Variants in TIAM2 observed in about 807,000 individuals in gnomAD.
The protein encoded by TIAM2 is rho guanine nucleotide exchange factor TIAM2.
A neutral mutation model predicts 152.9 loss-of-function variants in TIAM2; 80 were observed. That is an observed-to-expected ratio of 0.52 (90% CI 0.44 to 0.63). TIAM2 has a LOEUF of 0.63. Among genes scored for constraint, TIAM2 ranks in the 30% least tolerant of loss-of-function variants. The pLI is 0.00. For synonymous variants in TIAM2, 804 were observed against 838.0 expected, an observed-to-expected ratio of 0.96 and a Z score of 0.70; for missense variants, 1,965 against 2,120.1, an observed-to-expected ratio of 0.93 and a Z score of 1.44.
intron 2 of TIAM2, among the ~76,000 whole-genome samples, chr6:155,123,669 G>A (rs1297973558): frequency 6.6e-6 from 1 of 152,242 alleles, no homozygotes; most frequent in Non-Finnish European, 1.5e-5. Flanking sequence ...TTGTGTGTCT[G>A]TGAGTGGCTG....
At chr6:155,026,359 C>G (rs897271210) in intron 1 of TIAM2, among the ~76,000 whole-genome samples, 40 of 152,272 alleles carry the variant, frequency 2.6e-4, no homozygotes, top group African/African-American at 8.7e-4. Flanking sequence ...CAGGTTCTTC[C>G]CAAGGTTTCC....
intron 1 of TIAM2, among the ~76,000 whole-genome samples, chr6:155,005,794 C>T (rs1225594366): frequency 6.6e-6 from 1 of 151,646 alleles, no homozygotes; most frequent in Non-Finnish European, 1.5e-5. Flanking sequence ...GGATTGCAGG[C>T]GCCTGCCACC....
chr6:155,211,328 G>T (rs375584701), intron 15 of TIAM2, 21 bp downstream of exon 15: 8 of 1,603,272 alleles, frequency 5.0e-6, no homozygotes, highest in Non-Finnish European at 6.8e-6. Flanking sequence ...GGCCCAAATC[G>T]CAAACCAAGA....
chr6:155,254,748 A>G (rs573476671), intron 26 of TIAM2, 175 bp downstream of exon 26: 2 of 738,560 alleles, frequency 2.7e-6, no homozygotes, highest in East Asian at 5.5e-5. Flanking sequence ...ACTGTAAAAT[A>G]CAGCCACCCC....
chr6:155,048,408 A>G (rs957692461), intron 1 of TIAM2, among the ~76,000 whole-genome samples: 5 of 152,208 alleles, frequency 3.3e-5, no homozygotes, highest in African/African-American at 9.6e-5. Context: ...TCATTTTAAA[A>G]TATGGATTGT....
Position 155,172,686 on chromosome 6 carries a change from A to ATTTT in TIAM2, c.2362-4107_2362-4104dup, listed in dbSNP as rs113165280. Among the ~76,000 whole-genome samples the ATTTT allele has an allele frequency of 1.9e-3, 37 of 19,600 alleles. 3 individuals carry two copies. The highest frequency in any genetic ancestry group is 6.6e-3 in the Admixed American group (6 of 904). 12.9% of individuals were successfully genotyped at this position (19,600 alleles called of 152,430 possible). A position where few individuals can be genotyped will look rare whatever the true frequency, so the allele number is the denominator to read the frequency against. ...TATATATATATATATATATATATAT[A>ATTTT]TTTTTTTTTTTTTTTTTTTTTTTTT... On this transcript the variant is annotated intron_variant, in intron 9 of 26. Coordinates refer to ENST00000682666, the MANE Select transcript of TIAM2 (RefSeq NM_012454.4).
chr6:155,178,592 G>C (rs1214821341), intron 10 of TIAM2, among the ~76,000 whole-genome samples: 1 of 150,578 alleles, frequency 6.6e-6, no homozygotes, highest in Non-Finnish European at 1.5e-5. Flanking sequence ...TTATTTATTT[G>C]AGTTGGAGTC....
intron 15 of TIAM2, among the ~76,000 whole-genome samples, chr6:155,221,051 T>C (rs1782023995): frequency 6.6e-6 from 1 of 151,228 alleles, no homozygotes; most frequent in African/African-American, 2.4e-5. Context: ...CACAGTACTT[T>C]CCTACCTGCC....
chr6:155,249,831 T>C lies in TIAM2; in HGVS notation c.3833-20T>C. The C allele has an allele frequency of 6.4e-7, 1 of 1,558,800 alleles. No homozygotes were observed. The highest frequency in any genetic ancestry group is 8.8e-7 in the Non-Finnish European group (1 of 1,134,854). On this transcript the variant is annotated intron_variant, in intron 20 of 26. Transcript: ENST00000682666. ...AAACAAATAACAGTTATGAAATAAA[T>C]ATGATTTCATATCTTGCAGAAGCAC...
chr6:155,206,431 T>C (rs1781597413), intron 14 of TIAM2, among the ~76,000 whole-genome samples: 1 of 152,128 alleles, frequency 6.6e-6, no homozygotes, highest in Non-Finnish European at 1.5e-5. Context: ...GAGATGGGGT[T>C]TCACCATGTT....
Position 155,043,603 on chromosome 6 carries a change from C to T in TIAM2, c.-208-46686C>T, listed in dbSNP as rs1409328726. On this transcript the variant is annotated intron_variant, in intron 1 of 26. Transcript: ENST00000682666. ...AAGCAGCGATTGTGCCACTGCACTC[C>T]AGCCTGGGTGACAGAGTGAGACCCT... 2.2e-5 allele frequency among the ~76,000 whole-genome samples: 3 copies of T among 138,980 alleles called. No individual in the cohort carries two copies. In the East Asian group the frequency reaches 6.5e-4, roughly 30 times the overall value. The allele number at this position is 138,980 out of a possible 152,430, so 91.2% of individuals were successfully genotyped here.
intron 1 of TIAM2, among the ~76,000 whole-genome samples, chr6:155,088,213 C>A (rs1778218186): frequency 6.6e-6 from 1 of 151,950 alleles, no homozygotes; most frequent in Admixed American, 6.6e-5. Context: ...CGCCACCACG[C>A]CCGGCTAATG....
chr6:155,191,135 G>A (rs761571753), intron 14 of TIAM2, among the ~76,000 whole-genome samples: 5 of 152,116 alleles, frequency 3.3e-5, no homozygotes, highest in Admixed American at 6.5e-5. Context: ...AAGGGTAAAC[G>A]GTGACAGCTA....
At chr6:155,167,683 G>A (rs763276231) in intron 9 of TIAM2, among the ~76,000 whole-genome samples, 1 of 152,038 alleles carries the variant, frequency 6.6e-6, no homozygotes, top group Non-Finnish European at 1.5e-5. Flanking sequence ...AATGGGGATG[G>A]GAGTGGTCTC....
chr6:155,059,473 C>T (rs1017260891), intron 1 of TIAM2, among the ~76,000 whole-genome samples: 2 of 152,050 alleles, frequency 1.3e-5, no homozygotes, highest in Non-Finnish European at 2.9e-5. Context: ...ACAGGTGCCA[C>T]CACAGCCAGC....
chr6:155,107,928 T>G (rs919566400), intron 2 of TIAM2, among the ~76,000 whole-genome samples: 12 of 152,238 alleles, frequency 7.9e-5, no homozygotes, highest in Middle Eastern at 3.4e-3. Context: ...GGCTTTACAT[T>G]AATTTGGCCA....
In TIAM2 at chr6:155,148,256, C is replaced by T. The variant is rs562688998; in HGVS notation, c.1950C>T (p.Asp650=). Residue 650 remains aspartate, a synonymous_variant, in exon 7 of 27, where the codon GAC becomes GAT. Coordinates refer to ENST00000682666, the MANE Select transcript of TIAM2 (RefSeq NM_012454.4). The stretch of plus-strand genomic sequence containing the variant: ...ACCTGCTTCAGAAGATAGACATGGA[C>T]AGCAAGATGAAGAAGATGGCAGAGC... ...TKNLLQKIDM[D]SKMKKMAELQ... is the part of the protein sequence containing the mutation. 2 of 1,612,702 alleles carry T rather than the reference C, an allele frequency of 1.2e-6. No individual in the cohort carries two copies. The highest frequency in any genetic ancestry group is 1.3e-5 in the African/African-American group (1 of 74,988).
intron 1 of TIAM2, among the ~76,000 whole-genome samples, chr6:154,999,427 G>A (rs1250760701): frequency 6.6e-6 from 1 of 151,996 alleles, no homozygotes; most frequent in East Asian, 1.9e-4. Flanking sequence ...GGCTGGTCTC[G>A]AACTCCTGAC....
chr6:155,085,200 G>A (rs1778149071), intron 1 of TIAM2, among the ~76,000 whole-genome samples: 1 of 152,106 alleles, frequency 6.6e-6, no homozygotes, highest in Non-Finnish European at 1.5e-5. Context: ...AGCTGATAAC[G>A]AGGCTAAAGT....
Sources: gnomAD v4.1 joint callset for allele counts (sites outside exome capture counted in the v4.1 genomes callset) on GRCh38, gnomAD v4.1.1 for gene constraint, MANE v1.5 for transcripts, NCBI Gene and HGNC (gene_info 2026-07-23, HGNC 2026-07-21) for gene names.